The following PHACTR2 variants were observed in gnomAD, a reference collection of about 807,000 sequenced individuals.
The protein encoded by PHACTR2 is chromosome 6 open reading frame 56.
A neutral mutation model predicts 76.0 loss-of-function variants in PHACTR2; 30 were observed. The ratio of observed to expected loss-of-function variants is 0.39; its 90% confidence interval spans 0.30 to 0.54. PHACTR2 has a LOEUF of 0.54. PHACTR2 is among the 20% of genes least tolerant of loss of function. The probability of loss-of-function intolerance (pLI) is 0.61; values close to 1 mark genes in which losing one functional copy is unlikely to be tolerated. For synonymous variants in PHACTR2, 292 were observed against 292.5 expected, an observed-to-expected ratio of 1.00 and a Z score of 0.02; for missense variants, 696 against 781.1, an observed-to-expected ratio of 0.89 and a Z score of 1.30.
intron 1 of PHACTR2, among the ~76,000 whole-genome samples, chr6:143,686,490 T>TTC (rs1472832694): frequency 7.2e-6 from 1 of 139,652 alleles, no homozygotes; most frequent in Non-Finnish European, 1.5e-5. Flanking sequence ...TCTTTTTTTT[T>TTC]TTTTTTTTTT....
At position 143,672,876 on chromosome 6, in the gene PHACTR2, C is replaced by T. The variant is rs1777179776; in HGVS notation, c.14-39140C>T. ...AGTAGCTGAGATTACAGGAGTGCAC[C>T]ACCACGCCTGGCTAATTTTTGTATT... is the stretch of plus-strand genomic sequence containing the variant. On this transcript the variant is annotated intron_variant, in intron 1 of 11. Transcript: ENST00000305766. The surrounding 1 kb of genome is among the most constrained non-coding windows in gnomAD (Gnocchi z 5.8). Among the ~76,000 whole-genome samples the T allele has an allele frequency of 6.6e-6, 1 of 152,054 alleles. No individual in the cohort carries two copies. Among genetic ancestry groups the T allele is most frequent in the Admixed American group, 6.5e-5 (1 of 15,268 alleles).
At chr6:143,691,994 C>G (rs1562271725) in intron 1 of PHACTR2, among the ~76,000 whole-genome samples, 1 of 152,074 alleles carries the variant, frequency 6.6e-6, no homozygotes. Context: ...AATTGTGTGC[C>G]TATTTGCAGC....
intron 1 of PHACTR2, among the ~76,000 whole-genome samples, chr6:143,588,394 C>T (rs752835691): frequency 2.0e-4 from 31 of 152,026 alleles, no homozygotes; most frequent in African/African-American, 6.0e-4. Context: ...CCAAATTTTA[C>T]GGAAGCCCAA....
At chr6:143,613,103 A>C (rs558805679) in intron 1 of PHACTR2, among the ~76,000 whole-genome samples, 102 of 152,126 alleles carry the variant, frequency 6.7e-4, no homozygotes, top group Non-Finnish European at 1.3e-3. Flanking sequence ...CAGCCTCCCG[A>C]GTAGCTGGGA....
intron 1 of PHACTR2, among the ~76,000 whole-genome samples, chr6:143,629,276 G>A (rs1023625294): frequency 6.6e-6 from 1 of 152,010 alleles, no homozygotes; most frequent in Non-Finnish European, 1.5e-5. Flanking sequence ...TGCTGAGGGG[G>A]ACAGAATTTT....
At position 143,664,709 on chromosome 6, in the gene PHACTR2, A is replaced by G. The variant is rs977196933; in HGVS notation, c.14-47307A>G. On this transcript the variant is annotated intron_variant, in intron 1 of 11. Transcript: ENST00000305766. The surrounding 1 kb of genome is among the most constrained non-coding windows in gnomAD (Gnocchi z 5.1). ...GCAGAGCCGATAGTTTATTAAATTC[A>G]CCATCATGTCCTCACTTTCTGTGCT... 6.6e-6 allele frequency among the ~76,000 whole-genome samples: 1 copy of G among 152,178 alleles called. No individual in the cohort carries two copies. The highest frequency in any genetic ancestry group is 1.9e-4 in the East Asian group (1 of 5,200).
At chr6:143,728,502 A>G (rs1027678863) in intron 2 of PHACTR2, among the ~76,000 whole-genome samples, 1 of 152,048 alleles carries the variant, frequency 6.6e-6, no homozygotes, top group East Asian at 1.9e-4. Flanking sequence ...ATTTGTATGG[A>G]ACTAAAAAAG....
rs892160172 is a variant in PHACTR2, at chr6:143,653,354, T to C, written c.13+45032T>C. ...CAGCTTATTGCCTTTAATACTTCCC[T>C]GTTGCTATTGCTAAACCCCTTACCT... On this transcript the variant is annotated intron_variant, in intron 1 of 11. Coordinates refer to the PHACTR2 transcript ENST00000305766. The surrounding 1 kb of genome is among the most constrained non-coding windows in gnomAD (Gnocchi z 4.9). Among the ~76,000 whole-genome samples, 1 of 152,154 alleles carries C rather than the reference T, an allele frequency of 6.6e-6. No individual in the cohort carries two copies. The highest frequency in any genetic ancestry group is 1.5e-5 in the Non-Finnish European group (1 of 68,032).
rs55737411 is a variant in PHACTR2 at position 143,802,647 on chromosome 6, C to CAAAAAAAAAAAAA, written c.1846-4405_1846-4393dup. Among the ~76,000 whole-genome samples, 52 of 90,048 alleles carry CAAAAAAAAAAAAA rather than the reference C, an allele frequency of 5.8e-4. 2 individuals are homozygous for CAAAAAAAAAAAAA. The highest frequency in any genetic ancestry group is 9.8e-4 in the Non-Finnish European group (46 of 46,812). The allele number at this position is 90,048 out of a possible 152,430, so 59.1% of individuals were successfully genotyped here. ...TGGGTGACAGAACAAGACCCTGTCTCAAAAAAAAAAAAAAAAATCAGTCCT... is the reference window on the plus strand; with the variant it reads ...TGGGTGACAGAACAAGACCCTGTCTCAAAAAAAAAAAAAAAAAAAAAAAAAAAAAATCAGTCCT... On this transcript the variant is annotated intron_variant, in intron 11 of 12. Transcript: ENST00000440869.
chr6:143,565,621 AAAG>A (rs1775353036), intron 1 of PHACTR2, among the ~76,000 whole-genome samples: 2 of 151,360 alleles, frequency 1.3e-5, no homozygotes, highest in East Asian at 1.9e-4. Flanking sequence ...AAAAAAAAAA[AAAG>A]AGTGCCAAAA....
chr6:143,626,520 G>A (rs549981934), intron 1 of PHACTR2, among the ~76,000 whole-genome samples: 1 of 121,964 alleles, frequency 8.2e-6, no homozygotes, highest in East Asian at 2.0e-4. Context: ...CTGGGCAGCA[G>A]AGCGAGACTC....
intron 6 of PHACTR2, among the ~76,000 whole-genome samples, chr6:143,771,146 A>ATATATATATATATG (rs1562300578): frequency 2.6e-5 from 1 of 37,834 alleles, no homozygotes; most frequent in African/African-American, 1.2e-4. Flanking sequence ...ATATATATGT[A>ATATATATATATATG]TATATATATA....
In PHACTR2 at chr6:143,559,301, T is replaced by G. The variant is rs1335385011; in HGVS notation, c.217+22094T>G. 3.9e-5 allele frequency among the ~76,000 whole-genome samples: 6 copies of G among 152,324 alleles called. No individual in the cohort carries two copies. The South Asian group carries it at 1.0e-3, about 26-fold the overall frequency. ...GCCCCAACTGCATCTCTCAGGCTATTAAGAATTCAGAGGCAGAATCCCCTG... is the reference window on the plus strand; with the variant it reads ...GCCCCAACTGCATCTCTCAGGCTATGAAGAATTCAGAGGCAGAATCCCCTG... On this transcript the variant is annotated intron_variant, in intron 1 of 11. Transcript: ENST00000367584.
rs1252509566 is a variant in PHACTR2, at chr6:143,639,792, C to A, written c.13+31470C>A. On this transcript the variant is annotated intron_variant, in intron 1 of 11. Transcript: ENST00000305766. The surrounding 1 kb of genome is among the most constrained non-coding windows in gnomAD (Gnocchi z 5.0). ...CAAATATTGACTATTTACACAGTCA[C>A]AAAAGAAGTTTTAAGAACCACTGAA... Among the ~76,000 whole-genome samples the A allele has an allele frequency of 6.6e-6, 1 of 152,174 alleles. No individual in the cohort carries two copies.
At chr6:143,790,102 G>A (rs1775645569) in intron 11 of PHACTR2, among the ~76,000 whole-genome samples, 1 of 152,148 alleles carries the variant, frequency 6.6e-6, no homozygotes, top group Admixed American at 6.6e-5. Flanking sequence ...GGCCTGATGG[G>A]TGGAAGCCTG....
chr6:143,707,010 G>A (rs1778069413), intron 1 of PHACTR2, among the ~76,000 whole-genome samples: 4 of 152,116 alleles, frequency 2.6e-5, no homozygotes, highest in Admixed American at 2.6e-4. Flanking sequence ...TGTAAATGTA[G>A]GTAATAAAGT....
At position 143,714,236 on chromosome 6, in the gene PHACTR2, A is replaced by G. The variant is rs184556953; in HGVS notation, c.214+2053A>G. 7.2e-4 allele frequency among the ~76,000 whole-genome samples: 109 copies of G among 152,348 alleles called. 2 individuals carry two copies. The highest frequency in any genetic ancestry group is 2.5e-3 in the African/African-American group (106 of 41,586). Reference sequence around the variant, plus strand: ...GACCCACAACATCTTGAGGTATAAAAGAAAGTTCATTTCTTCCAAGAAAAG... The same window carrying G: ...GACCCACAACATCTTGAGGTATAAAGGAAAGTTCATTTCTTCCAAGAAAAG... On this transcript the variant is annotated intron_variant, in intron 2 of 12. Coordinates refer to ENST00000440869, the MANE Select transcript of PHACTR2 (RefSeq NM_001100164.2).
At chr6:143,724,479 A>G in intron 2 of PHACTR2, among the ~76,000 whole-genome samples, 1 of 151,968 alleles carries the variant, frequency 6.6e-6, no homozygotes, top group Non-Finnish European at 1.5e-5. Context: ...TCCAGACTAG[A>G]GCAAAGGATG....
intron 1 of PHACTR2, among the ~76,000 whole-genome samples, chr6:143,693,674 C>T (rs1291066681): frequency 1.3e-5 from 2 of 152,178 alleles, no homozygotes; most frequent in Non-Finnish European, 2.9e-5. Context: ...TTTTGAGTTT[C>T]ATTTCTTAAC....
Sources: allele counts gnomAD v4.1 joint callset (sites outside exome capture counted in the v4.1 genomes callset), GRCh38; gene constraint gnomAD v4.1.1; non-coding constraint Gnocchi (gnomAD v3.1); transcripts MANE v1.5; gene names NCBI Gene and HGNC (gene_info 2026-07-23, HGNC 2026-07-21).